The following SHARPIN variants were observed in gnomAD, a reference collection of about 807,000 sequenced individuals.
SHARPIN encodes the protein SHANK associated RH domain interactor, also known as hSIPL1.
In SHARPIN, 25 loss-of-function variants were observed where a neutral mutation model predicts 40.3. That is an observed-to-expected ratio of 0.62 (90% CI 0.45 to 0.87). The LOEUF (loss-of-function observed/expected upper bound fraction) is 0.87. SHARPIN is among the 40% of genes least tolerant of loss of function. The pLI, the probability that SHARPIN is intolerant of heterozygous loss-of-function variation, is 0.00. For synonymous variants in SHARPIN, 274 were observed against 221.8 expected (o/e 1.24, Z -2.09); for missense variants, 551 against 516.1 (o/e 1.07, Z -0.66).
chr8:144,099,592 G>A lies in SHARPIN; in HGVS notation c.686C>T (p.Ala229Val). 6.2e-7 allele frequency: 1 copy of A among 1,614,062 alleles called. No individual in the cohort carries two copies. Among genetic ancestry groups the A allele is most frequent in the Non-Finnish European group, 8.5e-7 (1 of 1,180,006 alleles). ...AGAGGACGCGGCGGATGCGGCAGAGGCAGCGTCTTCAAGTGTGACCTGCAG... is the reference window on the plus strand; with the variant it reads ...AGAGGACGCGGCGGATGCGGCAGAGACAGCGTCTTCAAGTGTGACCTGCAG... ...IRLQVTLEDA[A>V]SAASAASSAH... Residue 229 changes from alanine (A) to valine (V), a missense_variant, in exon 5 of 9, where the codon GCC becomes GTC. Transcript: ENST00000398712.
Position 144,099,261 on chromosome 8 carries a change from C to A in SHARPIN, c.922+16G>T, listed in dbSNP as rs999831429. Reference sequence around the variant, plus strand: ...TGCACCCCACCTCCCACACCCCACCCCCATCGAGGACTGACCTGGGGCTTC... The same window carrying A: ...TGCACCCCACCTCCCACACCCCACCACCATCGAGGACTGACCTGGGGCTTC... On this transcript the variant is annotated intron_variant, in intron 6 of 8. Transcript: ENST00000398712. 1 of 1,613,970 alleles carries A rather than the reference C, an allele frequency of 6.2e-7. No individual in the cohort carries two copies. Among genetic ancestry groups the A allele is most frequent in the Non-Finnish European group, 8.5e-7 (1 of 1,179,962 alleles).
Position 144,103,079 on chromosome 8 carries a change from G to C in SHARPIN, c.348C>G (p.Val116=). The change falls in exon 2 of 9, where the codon GTC becomes GTG. Residue 116 remains valine (V), a synonymous_variant. Coordinates refer to ENST00000398712, the MANE Select transcript of SHARPIN (RefSeq NM_030974.4). The stretch of plus-strand genomic sequence containing the variant: ...TCTGTCCTTCCACGGTGGCACCTCG[G>C]ACTAGGACTGCCCACCGCTGAGCTT... The part of the protein sequence containing the change: ...PQEAQRWAVL[V]RGATVEGQNG... 1 of 1,612,620 alleles carries C rather than the reference G, an allele frequency of 6.2e-7. No homozygotes were observed. Among genetic ancestry groups the C allele is most frequent in the Non-Finnish European group, 8.5e-7 (1 of 1,179,754 alleles).
At chr8:144,100,152 C>A in intron 2 of SHARPIN, 83 bp from the exon 3 acceptor site, 1 of 1,489,032 alleles carries the variant, frequency 6.7e-7, no homozygotes, top group South Asian at 1.4e-5. Context: ...TTTGCCTTCT[C>A]CCTCACCTCA....
In SHARPIN at chr8:144,103,770, T is replaced by C. The variant is rs958849556; in HGVS notation, c.-17A>G. The C allele has an allele frequency of 7.4e-7, 1 of 1,352,284 alleles. No individual in the cohort carries two copies. The highest frequency in any genetic ancestry group is 9.4e-7 in the Non-Finnish European group (1 of 1,060,536). 83.8% of individuals were successfully genotyped at this position (1,352,284 alleles called of 1,614,324 possible). On this transcript the variant is annotated 5_prime_UTR_variant, in exon 1 of 9. Coordinates refer to ENST00000398712, the MANE Select transcript of SHARPIN (RefSeq NM_030974.4). The stretch of plus-strand genomic sequence containing the variant: ...CGGCGCCATCTCCGGTCCGGCCGGG[T>C]CCCACCCCTCCGAGCGCGCTTCCGT...
intron 2 of SHARPIN, among the ~76,000 whole-genome samples, chr8:144,101,971 C>T (rs1210151097): frequency 6.6e-6 from 1 of 152,220 alleles, no homozygotes; most frequent in Non-Finnish European, 1.5e-5. Flanking sequence ...CTTCCTACCC[C>T]TCTGGCAGCT....
At chr8:144,101,509 C>T (rs1188280944) in intron 2 of SHARPIN, among the ~76,000 whole-genome samples, 2 of 148,426 alleles carry the variant, frequency 1.3e-5, no homozygotes, top group Non-Finnish European at 3.0e-5. Context: ...CCTGGGTTCA[C>T]GCCCTTCTCC....
In SHARPIN at chr8:144,103,456, TAA is replaced by T. The variant is rs1836332078; in HGVS notation, c.201+95_201+96del. ...ACAGAAGCAAAGAAACATAACTGCTTAAGGGCACCCAGGTGGCAAGCGGAGGG... is the reference window on the plus strand; with the variant it reads ...ACAGAAGCAAAGAAACATAACTGCTTGGGCACCCAGGTGGCAAGCGGAGGG... On this transcript the variant is annotated intron_variant, in intron 1 of 8. Coordinates refer to ENST00000398712, the MANE Select transcript of SHARPIN (RefSeq NM_030974.4). 6.9e-6 allele frequency: 9 copies of T among 1,310,004 alleles called. 1 individual carries two copies. The African/African-American group carries it at 8.8e-5, about 13-fold the overall frequency. The allele number at this position is 1,310,004 out of a possible 1,614,324, so 81.1% of individuals were successfully genotyped here. A position where few individuals can be genotyped will look rare whatever the true frequency, so the allele number is the denominator to read the frequency against.
chr8:144,103,243 C>T lies in SHARPIN; in HGVS notation c.202-18G>A, dbSNP rs775468027. 4.4e-6 allele frequency: 7 copies of T among 1,587,118 alleles called. No individual in the cohort carries two copies. The highest frequency in any genetic ancestry group is 1.8e-4 in the Middle Eastern group (1 of 5,486). On this transcript the variant is annotated intron_variant, in intron 1 of 8. Transcript: ENST00000398712. ...AAATTAACCTGAGAAGAGGGAGAGTCCAGGCTCAGGGCGTCCCCCCGCCCT... is the reference window on the plus strand; with the variant it reads ...AAATTAACCTGAGAAGAGGGAGAGTTCAGGCTCAGGGCGTCCCCCCGCCCT...
Position 144,099,916 on chromosome 8 carries a change from C to T in SHARPIN, c.517+13G>A, listed in dbSNP as rs1202280912. 6.2e-7 allele frequency: 1 copy of T among 1,608,802 alleles called. No individual in the cohort carries two copies. On this transcript the variant is annotated intron_variant, in intron 3 of 8. Coordinates refer to ENST00000398712, the MANE Select transcript of SHARPIN (RefSeq NM_030974.4). Reference sequence around the variant, plus strand: ...TATCCCCGAACCCCCCAACCCCCTCCCCCCACCTGTACCTCTCTCCGTCAA... The same window carrying T: ...TATCCCCGAACCCCCCAACCCCCTCTCCCCACCTGTACCTCTCTCCGTCAA...
At chr8:144,103,505 C>A in intron 1 of SHARPIN, 48 bp downstream of exon 1, 1 of 1,518,484 alleles carries the variant, frequency 6.6e-7, no homozygotes, top group African/African-American at 1.4e-5. Context: ...GGCTCCGTGC[C>A]CTGCCCGGGC....
chr8:144,099,904 C>T, intron 3 of SHARPIN, 25 bp downstream of exon 3: 1 of 1,603,896 alleles, frequency 6.2e-7, no homozygotes, highest in Non-Finnish European at 8.5e-7. Context: ...CCCCGAACCC[C>T]CCAACCCCCT....
chr8:144,103,011 C>T, intron 2 of SHARPIN, 40 bp downstream of exon 2: 1 of 1,611,760 alleles, frequency 6.2e-7, no homozygotes, highest in Non-Finnish European at 8.5e-7. Context: ...GGGGCCAAGG[C>T]TATTCCAAAT....
chr8:144,103,217 CAAA>C lies in SHARPIN; in HGVS notation c.207_209del (p.Asn69_Leu70delinsLys). On this transcript the variant is annotated inframe_deletion, in exon 2 of 9. Coordinates refer to ENST00000398712, the MANE Select transcript of SHARPIN (RefSeq NM_030974.4). ...AGGAAACTGACTCCAGGGGCCACTC[CAAA>C]TTAACCTGAGAAGAGGGAGAGTCCA... 6.2e-7 allele frequency: 1 copy of C among 1,605,244 alleles called. No homozygotes were observed. The highest frequency in any genetic ancestry group is 8.5e-7 in the Non-Finnish European group (1 of 1,175,510).
intron 2 of SHARPIN, among the ~76,000 whole-genome samples, chr8:144,101,403 A>ATTTTTTT (rs34270727): frequency 1.1e-5 from 1 of 92,424 alleles, no homozygotes; most frequent in Admixed American, 1.5e-4. Flanking sequence ...CACTCAGCTA[A>ATTTTTTT]TTTTTTTTTT....
In SHARPIN at chr8:144,103,483, G is replaced by A. The variant is rs1330828770; in HGVS notation, c.201+70C>T. On this transcript the variant is annotated intron_variant, in intron 1 of 8. Coordinates refer to ENST00000398712, the MANE Select transcript of SHARPIN (RefSeq NM_030974.4). Reference sequence around the variant, plus strand: ...AGGGCACCCAGGTGGCAAGCGGAGGGGCCTAACTTTGGGCTCCGTGCCCTG... The same window carrying A: ...AGGGCACCCAGGTGGCAAGCGGAGGAGCCTAACTTTGGGCTCCGTGCCCTG... 7.6e-6 allele frequency: 11 copies of A among 1,451,010 alleles called. No homozygotes were observed. The South Asian group carries it at 1.1e-4, about 15-fold the overall frequency. 89.9% of individuals were successfully genotyped at this position (1,451,010 alleles called of 1,614,324 possible).
rs1293567416 is a variant in SHARPIN, at chr8:144,103,228, G to A, written c.202-3C>T. 5.0e-6 allele frequency: 8 copies of A among 1,597,718 alleles called. No individual in the cohort carries two copies. Among genetic ancestry groups the A allele is most frequent in the Middle Eastern group, 1.7e-4 (1 of 5,730 alleles). On this transcript the variant is annotated splice_region_variant and splice_polypyrimidine_tract_variant and intron_variant, in intron 1 of 8. Coordinates refer to ENST00000398712, the MANE Select transcript of SHARPIN (RefSeq NM_030974.4). ...TCCAGGGGCCACTCCAAATTAACCTGAGAAGAGGGAGAGTCCAGGCTCAGG... is the reference window on the plus strand; with the variant it reads ...TCCAGGGGCCACTCCAAATTAACCTAAGAAGAGGGAGAGTCCAGGCTCAGG...
chr8:144,099,761 GC>G lies in SHARPIN; in HGVS notation c.600del (p.Gln200HisfsTer6). 6.2e-7 allele frequency: 1 copy of G among 1,613,230 alleles called. No individual in the cohort carries two copies. Among genetic ancestry groups the G allele is most frequent in the Non-Finnish European group, 8.5e-7 (1 of 1,180,006 alleles). ...AGCTGAACACTCAGGGCCACACGAT[GC>G]TGGGCCAGGACGGCTGCCACTTGGG... ...GAAQVAAVLA[Q>X]HRVALSVQLQ... On this transcript the variant is annotated frameshift_variant, in exon 4 of 9. Transcript: ENST00000398712. LOFTEE classifies it high-confidence loss of function.
chr8:144,098,830 G>T (rs1836221226), intron 8 of SHARPIN, 36 bp downstream of exon 8: 2 of 1,430,396 alleles, frequency 1.4e-6, no homozygotes, highest in Non-Finnish European at 1.9e-6. Flanking sequence ...ATTCTGCCCT[G>T]CCCCCCACCT....
chr8:144,099,123 TG>T lies in SHARPIN; in HGVS notation c.1004del (p.Pro335GlnfsTer77). The T allele has an allele frequency of 6.3e-7, 1 of 1,587,678 alleles. No individual in the cohort carries two copies. On this transcript the variant is annotated frameshift_variant, in exon 7 of 9. Coordinates refer to ENST00000398712, the MANE Select transcript of SHARPIN (RefSeq NM_030974.4). LOFTEE classifies it high-confidence loss of function. ...GGCTGGAGGCAGCTGGCTGGGGGCC[TG>T]GGGGTAGCCCCAATGATGGGGGAAA... Reference protein sequence around the residue: ...RLFPPSLGLPPGPQPAASSLP... With the variant: ...RLFPPSLGLPXGPQPAASSLP...
Sources: allele counts gnomAD v4.1 joint callset (sites outside exome capture counted in the v4.1 genomes callset), GRCh38; gene constraint gnomAD v4.1.1; transcripts MANE v1.5; gene names NCBI Gene and HGNC (gene_info 2026-07-23, HGNC 2026-07-21).